DLG1: variants seen among roughly 807,000 people sequenced by gnomAD.
DLG1 encodes disks large homolog 1.
DLG1 carries 42 observed loss-of-function variants against 123.4 expected under a neutral mutation model. The observed-to-expected ratio is 0.34, with a 90% CI of 0.27 to 0.44. The LOEUF is 0.44. Among genes scored for constraint, DLG1 ranks in the 20% least tolerant of loss-of-function variants. The pLI is 1.00. For synonymous variants in DLG1, 317 were observed against 356.2 expected (o/e 0.89, Z 1.24); for missense variants, 942 against 1,082.6 (o/e 0.87, Z 1.82).
Position 197,090,943 on chromosome 3 carries a change from G to A in DLG1, c.1630C>T (p.Arg544Ter), listed in dbSNP as rs1295215276. ...TAGAGGGATCGCTTCTGGCTAGTTC[G>A]AAGAGAACCTGACCCTGAACTAATA... Reference protein sequence around the residue: ...SSISSGSGSLRTSQKRSLYVR... With the variant: ...SSISSGSGSL Residue 544 changes from arginine (R) to a stop codon, truncating the protein, a stop_gained, in exon 15 of 25, where the codon CGA becomes TGA. Coordinates refer to ENST00000667157, the MANE Select transcript of DLG1 (RefSeq NM_001366207.1). LOFTEE classifies it high-confidence loss of function. 1.2e-6 allele frequency: 2 copies of A among 1,610,446 alleles called. No homozygotes were observed. Among genetic ancestry groups the A allele is most frequent in the Non-Finnish European group, 1.7e-6 (2 of 1,177,664 alleles).
chr3:197,242,913 T>TGGACATGCCTGTAGTCC (rs1312205596), intron 4 of DLG1, among the ~76,000 whole-genome samples: 14 of 152,144 alleles, frequency 9.2e-5, no homozygotes, highest in South Asian at 2.1e-4. Flanking sequence ...TCCTGCAGTC[T>TGGACATGCCTGTAGTCC]GGACATGCCT....
At chr3:197,248,347 G>T (rs1752771001) in intron 4 of DLG1, among the ~76,000 whole-genome samples, 1 of 152,078 alleles carries the variant, frequency 6.6e-6, no homozygotes, top group East Asian at 1.9e-4. Context: ...TATTCGTCAT[G>T]CCAGGTGGGT....
intron 14 of DLG1, among the ~76,000 whole-genome samples, chr3:197,091,252 GCT>G (rs1219131946): frequency 6.6e-6 from 1 of 151,854 alleles, no homozygotes; most frequent in Non-Finnish European, 1.5e-5. Flanking sequence ...TTTTCTACAT[GCT>G]CTTTTAAAGT....
chr3:197,110,130 T>C (rs966307579), intron 13 of DLG1, among the ~76,000 whole-genome samples: 1 of 152,200 alleles, frequency 6.6e-6, no homozygotes, highest in African/African-American at 2.4e-5. Context: ...GTTGGTAAAT[T>C]TGATAGTATC....
At chr3:197,277,215 T>G (rs1176979457) in intron 4 of DLG1, among the ~76,000 whole-genome samples, 2 of 152,102 alleles carry the variant, frequency 1.3e-5, no homozygotes, top group Non-Finnish European at 2.9e-5. Context: ...TTTATGGTTT[T>G]TTTTTTTTTA....
chr3:197,131,061 T>A, intron 10 of DLG1, among the ~76,000 whole-genome samples: 1 of 152,248 alleles, frequency 6.6e-6, no homozygotes, highest in Non-Finnish European at 1.5e-5. Flanking sequence ...CTGTTCCATG[T>A]TGGGACACAA....
intron 23 of DLG1, among the ~76,000 whole-genome samples, chr3:197,058,906 T>C (rs868741470): frequency 6.6e-6 from 1 of 152,198 alleles, no homozygotes; most frequent in Non-Finnish European, 1.5e-5. Context: ...TTGGAGTGAA[T>C]ATTTTACTTT....
chr3:197,285,042 A>AC (rs1165427132), intron 3 of DLG1, among the ~76,000 whole-genome samples: 1 of 148,602 alleles, frequency 6.7e-6, no homozygotes, highest in South Asian at 2.1e-4. Flanking sequence ...AAAAAAAAAA[A>AC]AAAAACTGGA....
At chr3:197,069,014 ATTTT>A in intron 19 of DLG1, among the ~76,000 whole-genome samples, 1 of 151,276 alleles carries the variant, frequency 6.6e-6, no homozygotes, top group Non-Finnish European at 1.5e-5. Context: ...TAATATTTTT[ATTTT>A]ATTAAAATTT....
chr3:197,225,867 A>C (rs1384350533), intron 4 of DLG1: 1 of 152,648 alleles, frequency 6.6e-6, no homozygotes, highest in African/African-American at 2.4e-5. Context: ...CTTACATCCA[A>C]ACATTAAGGA....
In DLG1 at chr3:197,085,683, T is replaced by C; in HGVS notation, c.1735A>G (p.Ile579Val). 1 of 1,613,954 alleles carries C rather than the reference T, an allele frequency of 6.2e-7. No individual in the cohort carries two copies. Among genetic ancestry groups the C allele is most frequent in the Non-Finnish European group, 8.5e-7 (1 of 1,179,948 alleles). Residue 579 changes from isoleucine to valine, a missense_variant, in exon 16 of 25, where the codon ATC becomes GTC. Physicochemically the swap from Ile to Val is conservative, Grantham distance 29. Coordinates refer to ENST00000667157, the MANE Select transcript of DLG1 (RefSeq NM_001366207.1). ...SQGLNFKFGD[I>V]LHVINASDDE... ...TCAGAAGCATTAATAACATGGAGGATATCTCCAAATTTGAAGTTCAGTCCC... is the reference window on the plus strand; with the variant it reads ...TCAGAAGCATTAATAACATGGAGGACATCTCCAAATTTGAAGTTCAGTCCC...
chr3:197,057,176 C>T (rs1026896533), intron 23 of DLG1, among the ~76,000 whole-genome samples: 3 of 152,010 alleles, frequency 2.0e-5, no homozygotes, highest in African/African-American at 7.2e-5. Context: ...AACTCCTGGG[C>T]TCAAGGGATC....
intron 5 of DLG1, among the ~76,000 whole-genome samples, chr3:197,193,601 G>T (rs1720820712): frequency 6.6e-6 from 1 of 152,182 alleles, no homozygotes; most frequent in Non-Finnish European, 1.5e-5. Flanking sequence ...ATTTATCAAT[G>T]TGAGGAATGT....
chr3:197,256,928 G>A (rs777088333), intron 4 of DLG1, among the ~76,000 whole-genome samples: 3 of 152,008 alleles, frequency 2.0e-5, no homozygotes, highest in South Asian at 2.1e-4. Flanking sequence ...TAAGGAAAAC[G>A]TTTAACATAA....
Position 197,208,913 on chromosome 3 carries a change from A to G in DLG1, c.319-14324T>C, listed in dbSNP as rs572889112. Among the ~76,000 whole-genome samples the G allele has an allele frequency of 2.1e-4, 30 of 146,234 alleles. 4 individuals are homozygous for G. The highest frequency in any genetic ancestry group is 4.3e-4 in the Non-Finnish European group (28 of 65,140). ...CATTCACAAAATTACCTTTAGAATG[A>G]AAAAAATTTTAATGAGTTGATAAAA... On this transcript the variant is annotated intron_variant, in intron 4 of 24. Coordinates refer to ENST00000667157, the MANE Select transcript of DLG1 (RefSeq NM_001366207.1).
chr3:197,144,537 CTTCAGGGT>C (rs1417481892), intron 6 of DLG1, among the ~76,000 whole-genome samples: 2 of 152,194 alleles, frequency 1.3e-5, no homozygotes, highest in African/African-American at 4.8e-5. Context: ...AGCCCCTAAG[CTTCAGGGT>C]AGTTTGTTAT....
chr3:197,203,793 C>G (rs1727096898), intron 4 of DLG1, among the ~76,000 whole-genome samples: 2 of 152,150 alleles, frequency 1.3e-5, no homozygotes, highest in African/African-American at 4.8e-5. Context: ...GGAAAAAGAG[C>G]AGTCATTAAA....
intron 14 of DLG1, 124 bp downstream of exon 14, chr3:197,104,779 C>A (rs1765453261): frequency 1.0e-5 from 7 of 684,232 alleles, no homozygotes; most frequent in Non-Finnish European, 1.8e-5. Context: ...ACTGGATTAG[C>A]AAATCAGAAA....
intron 13 of DLG1, among the ~76,000 whole-genome samples, chr3:197,113,942 T>G (rs1403584842): frequency 6.6e-6 from 1 of 152,098 alleles, no homozygotes; most frequent in Non-Finnish European, 1.5e-5. Flanking sequence ...TCTATGATTG[T>G]GCCTGTGAAT....
Sources: gnomAD v4.1 joint callset for allele counts (sites outside exome capture counted in the v4.1 genomes callset) on GRCh38, gnomAD v4.1.1 for gene constraint, MANE v1.5 for transcripts, NCBI Gene and HGNC (gene_info 2026-07-23, HGNC 2026-07-21) for gene names.